KDM4C: variants seen among roughly 807,000 people sequenced by gnomAD.
The protein encoded by KDM4C is lysine demethylase 4C.
A neutral mutation model predicts 129.3 loss-of-function variants in KDM4C; 81 were observed. The ratio of observed to expected loss-of-function variants is 0.63; its 90% confidence interval spans 0.52 to 0.75. The LOEUF is 0.75. KDM4C is among the 30% of genes least tolerant of loss of function. KDM4C has a pLI of 0.00. For missense variants in KDM4C, 1,457 were observed against 1,304.0 expected, an observed-to-expected ratio of 1.12 and a Z score of -1.81; for synonymous variants, 573 against 456.1, an observed-to-expected ratio of 1.26 and a Z score of -3.26.
At chr9:6,889,426 G>T (rs1030168464) in intron 7 of KDM4C, among the ~76,000 whole-genome samples, 8 of 152,022 alleles carry the variant, frequency 5.3e-5, no homozygotes, top group African/African-American at 1.9e-4. Context: ...TTTTTACCAT[G>T]AAAAAATCGT....
At chr9:6,795,448 C>T (rs1268946459) in intron 2 of KDM4C, among the ~76,000 whole-genome samples, 1 of 152,232 alleles carries the variant, frequency 6.6e-6, no homozygotes, top group Non-Finnish European at 1.5e-5. Flanking sequence ...TCTCCTGCCT[C>T]AGCCTCCTGA....
chr9:7,036,133 C>A (rs1827607519), intron 15 of KDM4C, among the ~76,000 whole-genome samples: 1 of 151,998 alleles, frequency 6.6e-6, no homozygotes, highest in Non-Finnish European at 1.5e-5. Context: ...GATGTTTTCC[C>A]ATTTATTTGT....
At chr9:6,895,926 T>G (rs1158505415) in intron 8 of KDM4C, among the ~76,000 whole-genome samples, 1 of 152,204 alleles carries the variant, frequency 6.6e-6, no homozygotes, top group East Asian at 1.9e-4. Context: ...GATAATAAAT[T>G]ACCTTACATT....
rs150365156 is a variant in KDM4C at position 6,803,979 on chromosome 9, C to A, written c.145-1620C>A. Among the ~76,000 whole-genome samples, 299 of 152,162 alleles carry A rather than the reference C, an allele frequency of 2.0e-3. 1 individual carries two copies. Among genetic ancestry groups the A allele is most frequent in the African/African-American group, 7.0e-3 (290 of 41,520 alleles). The stretch of plus-strand genomic sequence containing the variant: ...CTGGGATTACAGGTGCCTGTCACCA[C>A]GCCCGGATAATTTTTGTATTTTTAG... On this transcript the variant is annotated intron_variant, in intron 2 of 21. Coordinates refer to ENST00000381309, the MANE Select transcript of KDM4C (RefSeq NM_015061.6).
chr9:6,826,337 A>T (rs1185399622), intron 4 of KDM4C, among the ~76,000 whole-genome samples: 1 of 152,174 alleles, frequency 6.6e-6, no homozygotes. Flanking sequence ...TATGAAAAAT[A>T]TGGGAAGGTA....
intron 17 of KDM4C, among the ~76,000 whole-genome samples, chr9:7,081,414 A>C (rs1484700166): frequency 6.6e-6 from 1 of 152,136 alleles, no homozygotes; most frequent in African/African-American, 2.4e-5. Flanking sequence ...AACTTTAGGG[A>C]AGTATTCCTA....
intron 5 of KDM4C, among the ~76,000 whole-genome samples, chr9:6,857,885 G>A (rs1353014797): frequency 1.3e-5 from 2 of 148,646 alleles, no homozygotes; most frequent in Non-Finnish European, 3.0e-5. Flanking sequence ...CTCCTGAGTA[G>A]CTAGGACTAC....
chr9:6,788,532 T>C (rs1825916928), intron 1 of KDM4C, among the ~76,000 whole-genome samples: 1 of 152,260 alleles, frequency 6.6e-6, no homozygotes, highest in Non-Finnish European at 1.5e-5. Flanking sequence ...GTAACTTTTC[T>C]GTGTTTGGGA....
intron 1 of KDM4C, among the ~76,000 whole-genome samples, chr9:6,741,676 C>CTTTTTTTTTTTTTTTTTT (rs71315557): frequency 1.1e-5 from 1 of 94,098 alleles, no homozygotes; most frequent in African/African-American, 4.2e-5. Context: ...GGTGGCAGCT[C>CTTTTTTTTTTTTTTTTTT]TTTTTTTTTT....
Position 7,077,316 on chromosome 9 carries a change from A to G in KDM4C, c.2425-26369A>G, listed in dbSNP as rs144410430. ...TGCGTATTTACATTGCTTTGGACATATAGTTGTCATCCTATGCCCCTCCCC... is the reference window on the plus strand; with the variant it reads ...TGCGTATTTACATTGCTTTGGACATGTAGTTGTCATCCTATGCCCCTCCCC... On this transcript the variant is annotated intron_variant, in intron 17 of 21. Transcript: ENST00000381309. 1.5e-3 allele frequency: 1,178 copies of G among 783,058 alleles called. 16 individuals are homozygous for G. The African/African-American group carries it at 0.019, about 13-fold the overall frequency. The allele number at this position is 783,058 out of a possible 1,614,324, so 48.5% of individuals were successfully genotyped here. A position where few individuals can be genotyped will look rare whatever the true frequency, so the allele number is the denominator to read the frequency against.
intron 21 of KDM4C, 72 bp from the exon 22 acceptor site, chr9:7,174,481 G>A: frequency 1.4e-6 from 2 of 1,456,946 alleles, no homozygotes; most frequent in East Asian, 2.3e-5. Context: ...AGCTGACCGA[G>A]TCAGATCTTT....
chr9:6,962,725 A>C (rs549858954), intron 8 of KDM4C, among the ~76,000 whole-genome samples: 2 of 152,290 alleles, frequency 1.3e-5, no homozygotes, highest in South Asian at 2.1e-4. Context: ...TTAATTCAGC[A>C]GTTCTTCTGG....
intron 17 of KDM4C, among the ~76,000 whole-genome samples, chr9:7,069,395 T>C (rs1832893395): frequency 6.6e-6 from 1 of 152,196 alleles, no homozygotes; most frequent in Admixed American, 6.5e-5. Context: ...TTAAACAAAC[T>C]TTAAATTTTA....
chr9:7,018,249 G>C (rs532629254), intron 15 of KDM4C, among the ~76,000 whole-genome samples: 2 of 150,428 alleles, frequency 1.3e-5, no homozygotes, highest in Admixed American at 1.3e-4. Flanking sequence ...GTAAGTGTTC[G>C]TGTACCTAAA....
chr9:7,036,731 G>A (rs1827713208), intron 15 of KDM4C, among the ~76,000 whole-genome samples: 1 of 152,148 alleles, frequency 6.6e-6, no homozygotes, highest in Admixed American at 6.6e-5. Flanking sequence ...CAGTTGGTTA[G>A]AATTCAAGCC....
chr9:7,120,347 A>G (rs1002442373), intron 18 of KDM4C, among the ~76,000 whole-genome samples: 1 of 152,164 alleles, frequency 6.6e-6, no homozygotes, highest in African/African-American at 2.4e-5. Context: ...CAACATTGGT[A>G]GTCTTAGGAA....
chr9:6,934,347 G>A (rs1473929666), intron 8 of KDM4C, among the ~76,000 whole-genome samples: 1 of 137,588 alleles, frequency 7.3e-6, no homozygotes, highest in East Asian at 2.1e-4. Flanking sequence ...CGTTTGTGCT[G>A]GCGGTCCCTG....
chr9:7,010,986 G>A (rs771380139), intron 12 of KDM4C, among the ~76,000 whole-genome samples: 3 of 152,168 alleles, frequency 2.0e-5, no homozygotes, highest in Non-Finnish European at 4.4e-5. Flanking sequence ...GGTGGTTGCA[G>A]TGAGCTGAGA....
chr9:6,935,246 T>A (rs1824548811), intron 8 of KDM4C, among the ~76,000 whole-genome samples: 1 of 152,186 alleles, frequency 6.6e-6, no homozygotes, highest in South Asian at 2.1e-4. Context: ...TTTAGGCATA[T>A]CCTTGGCATG....
Sources: gnomAD v4.1 joint callset for allele counts (sites outside exome capture counted in the v4.1 genomes callset) on GRCh38, gnomAD v4.1.1 for gene constraint, MANE v1.5 for transcripts, NCBI Gene and HGNC (gene_info 2026-07-23, HGNC 2026-07-21) for gene names.